The following BACE2 variants were observed in gnomAD, a reference collection of about 807,000 sequenced individuals.
BACE2 encodes beta-secretase 2.
BACE2 carries 17 observed loss-of-function variants against 46.2 expected under a neutral mutation model. That is an observed-to-expected ratio of 0.37 (90% CI 0.25 to 0.55). The LOEUF is 0.55. BACE2 is among the 20% of genes least tolerant of loss of function. BACE2 has a pLI of 0.82. For synonymous variants in BACE2, 277 were observed against 295.9 expected (o/e 0.94, Z 0.66); for missense variants, 595 against 698.1 (o/e 0.85, Z 1.66).
chr21:41,274,997 A>T (rs563880899), intron 8 of BACE2, among the ~76,000 whole-genome samples: 1 of 152,042 alleles, frequency 6.6e-6, no homozygotes, highest in East Asian at 1.9e-4. Context: ...TTTCATCTCC[A>T]CTGAGGAAGC....
chr21:41,186,943 A>G (rs907295246), intron 1 of BACE2, among the ~76,000 whole-genome samples: 1 of 152,262 alleles, frequency 6.6e-6, no homozygotes, highest in East Asian at 1.9e-4. Flanking sequence ...GGGTGTTGCC[A>G]TGGAAACGGT....
chr21:41,184,338 T>C (rs1467073482), intron 1 of BACE2: 1 of 167,092 alleles, frequency 6.0e-6, no homozygotes, highest in Non-Finnish European at 1.5e-5. Flanking sequence ...CCTCTACTTT[T>C]TTTTCCCCAC....
chr21:41,238,972 A>G (rs1346605367), intron 3 of BACE2, among the ~76,000 whole-genome samples: 1 of 150,768 alleles, frequency 6.6e-6, no homozygotes, highest in African/African-American at 2.4e-5. Context: ...AAAAAAAAAA[A>G]AAAAAAAGAA....
intron 1 of BACE2, among the ~76,000 whole-genome samples, chr21:41,209,776 C>T (rs737287): frequency 0.36 from 54,999 of 151,902 alleles, 11,460 homozygotes; most frequent in African/African-American, 0.57. Context: ...TCCTTTCCTG[C>T]ATGGAGAAGA....
chr21:41,214,018 C>T (rs1400363393), intron 1 of BACE2, among the ~76,000 whole-genome samples: 17 of 152,182 alleles, frequency 1.1e-4, no homozygotes, highest in Admixed American at 1.0e-3. Context: ...TAAAATTGCA[C>T]GTGGAACCGG....
chr21:41,204,874 G>C (rs897736032), intron 1 of BACE2, among the ~76,000 whole-genome samples: 8 of 152,102 alleles, frequency 5.3e-5, no homozygotes, highest in Non-Finnish European at 2.9e-5. Context: ...CCCTTGGAAG[G>C]GCTTTAAGAA....
intron 2 of BACE2, among the ~76,000 whole-genome samples, 175 bp from the exon 3 acceptor site, chr21:41,237,338 C>G (rs938943058): frequency 6.6e-6 from 1 of 152,094 alleles, no homozygotes; most frequent in African/African-American, 2.4e-5. Flanking sequence ...CCCAGCTACT[C>G]AGGAGGCTGA....
At chr21:41,226,783 T>C (rs972856840) in intron 2 of BACE2, among the ~76,000 whole-genome samples, 1 of 152,204 alleles carries the variant, frequency 6.6e-6, no homozygotes, top group Non-Finnish European at 1.5e-5. Flanking sequence ...AAGGGATACA[T>C]GGAAACCCAC....
intron 1 of BACE2, among the ~76,000 whole-genome samples, chr21:41,210,858 C>T (rs1286909684): frequency 6.6e-6 from 1 of 152,178 alleles, no homozygotes; most frequent in Non-Finnish European, 1.5e-5. Context: ...ATCAGGACCA[C>T]CTTCATGAAT....
chr21:41,272,442 G>A (rs1601325782), intron 8 of BACE2, among the ~76,000 whole-genome samples: 2 of 151,782 alleles, frequency 1.3e-5, no homozygotes, highest in East Asian at 3.9e-4. Context: ...TGATTTAGCA[G>A]CTTGATATTG....
At chr21:41,195,053 C>A (rs1352963407) in intron 1 of BACE2, among the ~76,000 whole-genome samples, 1 of 152,234 alleles carries the variant, frequency 6.6e-6, no homozygotes, top group East Asian at 1.9e-4. Flanking sequence ...TGGGGTTGAC[C>A]AGAGGTAGGC....
chr21:41,183,227 AC>A (rs1037138176), intron 1 of BACE2: 12 of 166,188 alleles, frequency 7.2e-5, no homozygotes, highest in African/African-American at 2.9e-4. Context: ...AGCCATTTTA[AC>A]CATTTTAAAG....
chr21:41,191,786 G>A (rs565317211), intron 1 of BACE2, among the ~76,000 whole-genome samples: 1 of 152,296 alleles, frequency 6.6e-6, no homozygotes, highest in African/African-American at 2.4e-5. Context: ...GCTGAGTGGT[G>A]TCCACAGAAA....
chr21:41,240,861 C>A (rs981782719), intron 3 of BACE2, among the ~76,000 whole-genome samples: 1 of 152,230 alleles, frequency 6.6e-6, no homozygotes, highest in Non-Finnish European at 1.5e-5. Context: ...GAGTTCCCCT[C>A]TCACTCCCTC....
Position 41,276,475 on chromosome 21 carries a change from C to T in BACE2, c.*851C>T, listed in dbSNP as rs1035751823. 2.0e-5 allele frequency: 3 copies of T among 152,246 alleles called. No individual in the cohort carries two copies. Among genetic ancestry groups the T allele is most frequent in the African/African-American group, 7.2e-5 (3 of 41,430 alleles). 9.4% of individuals were successfully genotyped at this position (152,246 alleles called of 1,614,324 possible). A position where few individuals can be genotyped will look rare whatever the true frequency, so the allele number is the denominator to read the frequency against. On this transcript the variant is annotated 3_prime_UTR_variant, in exon 9 of 9. Transcript: ENST00000330333. ...AGAATTATCATCCCAACAGCCAAGA[C>T]CCAACAGGTGCTGAACTGTGCATCA... is the stretch of plus-strand genomic sequence containing the variant.
Position 41,168,563 on chromosome 21 carries a change from C to T in BACE2, c.300C>T (p.Thr100=), listed in dbSNP as rs746261276. The change falls in exon 1 of 9, where the codon ACC becomes ACT. Residue 100 remains threonine (T), a synonymous_variant. Transcript: ENST00000330333. ...ACTACCTGGAGATGCTGATCGGGAC[C>T]CCCCCGCAGAAGGTAGGGACCCCCG... ...RGYYLEMLIG[T]PPQKLQILVD... The T allele has an allele frequency of 1.5e-6, 2 of 1,326,784 alleles. No homozygotes were observed. Among genetic ancestry groups the T allele is most frequent in the South Asian group, 2.7e-5 (1 of 36,664 alleles). The allele number at this position is 1,326,784 out of a possible 1,614,324, so 82.2% of individuals were successfully genotyped here. A position where few individuals can be genotyped will look rare whatever the true frequency, so the allele number is the denominator to read the frequency against.
chr21:41,190,397 T>C (rs1985525310), intron 1 of BACE2, among the ~76,000 whole-genome samples: 1 of 152,240 alleles, frequency 6.6e-6, no homozygotes, highest in Non-Finnish European at 1.5e-5. Flanking sequence ...GTAAATCTTA[T>C]GTCACATGCT....
intron 1 of BACE2, chr21:41,176,530 GC>G (rs1183640674): frequency 6.6e-6 from 1 of 152,238 alleles, no homozygotes; most frequent in Non-Finnish European, 1.5e-5. Context: ...GGAGGCCACT[GC>G]AGAGGCCAGA....
intron 8 of BACE2, among the ~76,000 whole-genome samples, chr21:41,264,788 A>C (rs1270433916): frequency 6.6e-6 from 1 of 152,106 alleles, no homozygotes; most frequent in Non-Finnish European, 1.5e-5. Flanking sequence ...ACAGTGCCAA[A>C]CCATATCAAC....
Sources: gnomAD v4.1 joint callset for allele counts (sites outside exome capture counted in the v4.1 genomes callset) on GRCh38, gnomAD v4.1.1 for gene constraint, MANE v1.5 for transcripts, NCBI Gene and HGNC (gene_info 2026-07-23, HGNC 2026-07-21) for gene names.